Variants in TMEM178B observed in about 807,000 individuals in gnomAD.
The protein encoded by TMEM178B is transmembrane protein 178B.
Under a neutral mutation model 31.0 loss-of-function variants are expected in TMEM178B, and 5 were observed. The observed-to-expected ratio is 0.16, with a 90% CI of 0.08 to 0.34. TMEM178B has a LOEUF of 0.34. TMEM178B is among the 10% of genes least tolerant of loss of function. The pLI, the probability that TMEM178B is intolerant of heterozygous loss-of-function variation, is 1.00. For missense variants in TMEM178B, 275 were observed against 400.3 expected, an observed-to-expected ratio of 0.69 and a Z score of 2.67; for synonymous variants, 164 against 164.0, an observed-to-expected ratio of 1.00 and a Z score of 0.00.
chr7:141,206,290 G>C (rs1273324139), intron 1 of TMEM178B, among the ~76,000 whole-genome samples: 1 of 152,206 alleles, frequency 6.6e-6, no homozygotes, highest in East Asian at 1.9e-4. Flanking sequence ...TAGGAAGGAA[G>C]AATGTGCTAG....
At chr7:141,168,771 C>G (rs868671500) in intron 1 of TMEM178B, among the ~76,000 whole-genome samples, 2 of 147,080 alleles carry the variant, frequency 1.4e-5, no homozygotes, top group Non-Finnish European at 3.0e-5. Flanking sequence ...CTCTGTCCCC[C>G]AAAAAAAAAG....
chr7:141,462,034 G>A (rs544448555), intron 3 of TMEM178B, among the ~76,000 whole-genome samples: 119 of 152,262 alleles, frequency 7.8e-4, no homozygotes, highest in African/African-American at 1.2e-3. Context: ...TCTGGCTAAC[G>A]TGGTGCTTTC....
At chr7:141,468,341 G>T (rs1802181422) in intron 3 of TMEM178B, among the ~76,000 whole-genome samples, 1 of 152,140 alleles carries the variant, frequency 6.6e-6, no homozygotes, top group African/African-American at 2.4e-5. Flanking sequence ...ACTACAAACT[G>T]CCCTAACCCA....
rs57427295 is a variant in TMEM178B, at chr7:141,171,017, T to TACACACAC, written c.383-41533_383-41526dup. Among the ~76,000 whole-genome samples, 13 of 146,050 alleles carry TACACACAC rather than the reference T, an allele frequency of 8.9e-5. No individual in the cohort carries two copies. Among genetic ancestry groups the TACACACAC allele is most frequent in the African/African-American group, 3.3e-4 (13 of 39,544 alleles). On this transcript the variant is annotated intron_variant, in intron 1 of 3. Coordinates refer to ENST00000565468, the MANE Select transcript of TMEM178B (RefSeq NM_001195278.2). This position sits in a 1 kb window ranked among gnomAD's most constrained non-coding sequence, Gnocchi z 4.3. ...GTTCAGACTACACATCACACACACATACACACACACACACACACACACACA... is the reference window on the plus strand; with the variant it reads ...GTTCAGACTACACATCACACACACATACACACACACACACACACACACACACACACACA...
chr7:141,441,878 A>C (rs7782169), intron 3 of TMEM178B, among the ~76,000 whole-genome samples: 70,576 of 152,014 alleles, frequency 0.46, 18,179 homozygotes, highest in Middle Eastern at 0.62. Context: ...CAAATTGTTT[A>C]ATGAACGCTC....
intron 2 of TMEM178B, among the ~76,000 whole-genome samples, chr7:141,263,523 G>A (rs189813332): frequency 8.3e-4 from 126 of 152,302 alleles, no homozygotes; most frequent in Non-Finnish European, 1.6e-3. Context: ...TGAAGGCTGG[G>A]GTAGGGGAAA....
chr7:141,126,930 A>C (rs1448056325), intron 1 of TMEM178B, among the ~76,000 whole-genome samples: 1 of 151,576 alleles, frequency 6.6e-6, no homozygotes, highest in Non-Finnish European at 1.5e-5. Flanking sequence ...ATTTATGGTG[A>C]CCAAAAGTTG....
intron 2 of TMEM178B, among the ~76,000 whole-genome samples, chr7:141,377,104 T>C (rs1187816455): frequency 6.6e-6 from 1 of 152,130 alleles, no homozygotes. Flanking sequence ...CTTTGATTTT[T>C]AATTTTTACT....
intron 2 of TMEM178B, among the ~76,000 whole-genome samples, chr7:141,412,846 A>C (rs543158206): frequency 6.6e-6 from 1 of 152,348 alleles, no homozygotes; most frequent in African/African-American, 2.4e-5. Context: ...AAACTGAAGC[A>C]TAGAGATAAA....
At chr7:141,217,441 T>C (rs1797175399) in intron 2 of TMEM178B, among the ~76,000 whole-genome samples, 2 of 152,054 alleles carry the variant, frequency 1.3e-5, no homozygotes, top group Admixed American at 1.3e-4. Flanking sequence ...AGTGCATCCG[T>C]CCCAGGAAGG....
intron 1 of TMEM178B, among the ~76,000 whole-genome samples, chr7:141,158,726 A>G (rs982327576): frequency 1.3e-5 from 2 of 152,042 alleles, no homozygotes; most frequent in Non-Finnish European, 2.9e-5. Flanking sequence ...TCTGCTGACA[A>G]GTGTGGATGG....
chr7:141,489,958 T>C, the TMEM178B span, among the ~76,000 whole-genome samples: 1 of 152,224 alleles, frequency 6.6e-6, no homozygotes, highest in African/African-American at 2.4e-5. Context: ...GCTTAATGCT[T>C]GCTCATTTGT....
intron 2 of TMEM178B, among the ~76,000 whole-genome samples, chr7:141,245,557 G>A (rs375870446): frequency 2.0e-5 from 3 of 152,160 alleles, no homozygotes; most frequent in Non-Finnish European, 4.4e-5. Context: ...AGAAATCACC[G>A]AGGTCTTAGA....
chr7:141,182,228 G>A (rs1586813438), intron 1 of TMEM178B, among the ~76,000 whole-genome samples: 1 of 152,116 alleles, frequency 6.6e-6, no homozygotes, highest in African/African-American at 2.4e-5. Context: ...GCAGCCTCAG[G>A]CCACCACGAT....
intron 2 of TMEM178B, among the ~76,000 whole-genome samples, chr7:141,215,989 C>G (rs1205321845): frequency 6.7e-6 from 1 of 149,306 alleles, no homozygotes; most frequent in Non-Finnish European, 1.5e-5. Context: ...TGCCACCATG[C>G]CTGTATAATT....
chr7:141,492,219 C>T, the TMEM178B span, among the ~76,000 whole-genome samples: 2 of 152,278 alleles, frequency 1.3e-5, no homozygotes, highest in East Asian at 3.9e-4. Context: ...CTCTGCTGCG[C>T]ACAGTCTCCC....
At position 141,471,589 on chromosome 7, in the gene TMEM178B, C is replaced by T. The variant is rs1802243063; in HGVS notation, c.*803C>T. 6.6e-6 allele frequency: 1 copy of T among 150,836 alleles called. No individual in the cohort carries two copies. Among genetic ancestry groups the T allele is most frequent in the Admixed American group, 6.6e-5 (1 of 15,140 alleles). The allele number at this position is 150,836 out of a possible 1,614,324, so 9.3% of individuals were successfully genotyped here. On this transcript the variant is annotated 3_prime_UTR_variant, in exon 4 of 4. Coordinates refer to ENST00000565468, the MANE Select transcript of TMEM178B (RefSeq NM_001195278.2). This position sits in a 1 kb window ranked among gnomAD's most constrained non-coding sequence, Gnocchi z 4.1. ...GTGTGTGGGTGTGCGTGCATGTGTA[C>T]TTTGGGCGGTTTCCTTTTTTTCTTT...
intron 3 of TMEM178B, among the ~76,000 whole-genome samples, chr7:141,460,806 A>G (rs2116717722): frequency 6.6e-6 from 1 of 152,262 alleles, no homozygotes; most frequent in South Asian, 2.1e-4. Flanking sequence ...AGCTTGCAGA[A>G]TGATCAGTGA....
In TMEM178B at chr7:141,109,959, TA is replaced by T. The variant is rs58758760; in HGVS notation, c.382+35277del. Among the ~76,000 whole-genome samples the T allele has an allele frequency of 2.4e-3, 347 of 146,582 alleles. 3 individuals are homozygous for T. The highest frequency in any genetic ancestry group is 7.2e-3 in the African/African-American group (290 of 40,120). On this transcript the variant is annotated intron_variant, in intron 1 of 3. Transcript: ENST00000565468. ...CTGTCTCTGTCGCTCTCTCTCTCTC[TA>T]AAAAAAAAAGACTCTTAAGCAAAAA...
Sources: allele counts gnomAD v4.1 joint callset (sites outside exome capture counted in the v4.1 genomes callset), GRCh38; gene constraint gnomAD v4.1.1; non-coding constraint Gnocchi (gnomAD v3.1); transcripts MANE v1.5; gene names NCBI Gene and HGNC (gene_info 2026-07-23, HGNC 2026-07-21).